USP6NL: variants seen among roughly 807,000 people sequenced by gnomAD.
The protein encoded by USP6NL is USP6 N-terminal-like protein.
A neutral mutation model predicts 61.9 loss-of-function variants in USP6NL; 26 were observed. The ratio of observed to expected loss-of-function variants is 0.42; its 90% confidence interval spans 0.31 to 0.58. USP6NL has a LOEUF of 0.58. USP6NL is among the 20% of genes least tolerant of loss of function. The pLI is 0.16. For missense variants in USP6NL, 1,114 were observed against 1,034.3 expected, an observed-to-expected ratio of 1.08 and a Z score of -1.06; for synonymous variants, 432 against 390.1, an observed-to-expected ratio of 1.11 and a Z score of -1.27.
rs946976175 is a variant in USP6NL, at chr10:11,483,385, C to T, written c.926-1463G>A. ...ATGAGAGCTACAAAGAAGTATGTTT[C>T]TACTTCCTCATTCTTGAGGGAACAT... On this transcript the variant is annotated intron_variant, in intron 13 of 14. Coordinates refer to ENST00000609104, the MANE Select transcript of USP6NL (RefSeq NM_014688.5). 8.1e-5 allele frequency among the ~76,000 whole-genome samples: 12 copies of T among 148,736 alleles called. No individual in the cohort carries two copies. In the East Asian group the frequency reaches 2.4e-3, roughly 29 times the overall value.
At chr10:11,498,404 T>C (rs1469527638) in intron 7 of USP6NL, among the ~76,000 whole-genome samples, 2 of 151,230 alleles carry the variant, frequency 1.3e-5, no homozygotes, top group East Asian at 3.9e-4. Flanking sequence ...AAAAATGAGA[T>C]AACAGAAGAG....
rs1219181343 is a variant in USP6NL at position 11,585,373 on chromosome 10, G to A, written c.4+12258C>T. 6.6e-6 allele frequency among the ~76,000 whole-genome samples: 1 copy of A among 152,136 alleles called. No individual in the cohort carries two copies. Among genetic ancestry groups the A allele is most frequent in the African/African-American group, 2.4e-5 (1 of 41,412 alleles). On this transcript the variant is annotated intron_variant, in intron 2 of 14. Transcript: ENST00000609104. The surrounding 1 kb of genome is among the most constrained non-coding windows in gnomAD (Gnocchi z 4.5). Reference sequence around the variant, plus strand: ...ACAGACCCAGAAGAATTGAAAGCAGGGTTCCAAAGATGTATTTGTACACCC... The same window carrying A: ...ACAGACCCAGAAGAATTGAAAGCAGAGTTCCAAAGATGTATTTGTACACCC...
chr10:11,590,492 T>C (rs1473677731), intron 2 of USP6NL, among the ~76,000 whole-genome samples: 2 of 152,218 alleles, frequency 1.3e-5, no homozygotes, highest in African/African-American at 2.4e-5. Context: ...ATTCAGACCA[T>C]GTAACAAATC....
In USP6NL at chr10:11,474,952, C is replaced by T. The variant is rs747814969; in HGVS notation, c.1078+6818G>A. Among the ~76,000 whole-genome samples the T allele has an allele frequency of 6.6e-5, 10 of 152,202 alleles. No individual in the cohort carries two copies. The highest frequency in any genetic ancestry group is 1.3e-4 in the Non-Finnish European group (9 of 68,014). On this transcript the variant is annotated intron_variant, in intron 14 of 14. Coordinates refer to ENST00000609104, the MANE Select transcript of USP6NL (RefSeq NM_014688.5). The surrounding 1 kb of genome is among the most constrained non-coding windows in gnomAD (Gnocchi z 4.9). ...TTCTCCCGTAAGCACTGAAGTACCC[C>T]GAAGGCTATGGCCATTTACCAAGAC...
chr10:11,498,249 A>C (rs1351285786), intron 7 of USP6NL, among the ~76,000 whole-genome samples: 1 of 148,086 alleles, frequency 6.8e-6, no homozygotes, highest in Non-Finnish European at 1.5e-5. Context: ...AAAAAAAAAA[A>C]AAAAAAAAAA....
rs1833717225 is a variant in USP6NL, at chr10:11,491,775, A to G, written c.495-895T>C. Among the ~76,000 whole-genome samples, 1 of 152,178 alleles carries G rather than the reference A, an allele frequency of 6.6e-6. No individual in the cohort carries two copies. Among genetic ancestry groups the G allele is most frequent in the Admixed American group, 6.5e-5 (1 of 15,292 alleles). On this transcript the variant is annotated intron_variant, in intron 8 of 14. Coordinates refer to ENST00000609104, the MANE Select transcript of USP6NL (RefSeq NM_014688.5). This position sits in a 1 kb window ranked among gnomAD's most constrained non-coding sequence, Gnocchi z 4.7. ...ATTCAGGCAGAACTGCTAGGTTCAG[A>G]TTTTCAGGAAGAAAGGTTTGAGTTA...
intron 7 of USP6NL, among the ~76,000 whole-genome samples, chr10:11,494,506 C>A (rs1833831571): frequency 6.6e-6 from 1 of 152,272 alleles, no homozygotes; most frequent in East Asian, 1.9e-4. Flanking sequence ...AATAAAGACA[C>A]AAGACAAAGA....
intron 2 of USP6NL, among the ~76,000 whole-genome samples, chr10:11,538,308 T>C (rs919395402): frequency 6.6e-6 from 1 of 152,204 alleles, no homozygotes; most frequent in Non-Finnish European, 1.5e-5. Flanking sequence ...ACCTTACCAC[T>C]GCCCATTGCT....
chr10:11,541,094 TA>T (rs1836030117), intron 2 of USP6NL, among the ~76,000 whole-genome samples: 1 of 151,792 alleles, frequency 6.6e-6, no homozygotes, highest in Admixed American at 6.6e-5. Flanking sequence ...TGAACTGCGT[TA>T]TATGTATCTC....
chr10:11,594,280 A>C (rs1210532397), intron 2 of USP6NL, among the ~76,000 whole-genome samples: 1 of 152,194 alleles, frequency 6.6e-6, no homozygotes, highest in Non-Finnish European at 1.5e-5. Context: ...GGACAAGAAA[A>C]AGAAATGTAA....
intron 2 of USP6NL, among the ~76,000 whole-genome samples, chr10:11,580,628 T>C (rs1837723582): frequency 6.6e-6 from 1 of 152,094 alleles, no homozygotes; most frequent in Non-Finnish European, 1.5e-5. Context: ...GCTGAACCCA[T>C]CCACAGGGAC....
intron 10 of USP6NL, 139 bp from the exon 11 acceptor site, chr10:11,486,050 A>T (rs1475758214): frequency 5.2e-6 from 3 of 580,738 alleles, no homozygotes; most frequent in Non-Finnish European, 8.3e-6. Context: ...TTTTCTCCCC[A>T]CCTAGGAAAA....
intron 2 of USP6NL, among the ~76,000 whole-genome samples, chr10:11,542,079 A>C (rs561776042): frequency 2.0e-5 from 3 of 152,308 alleles, no homozygotes; most frequent in Admixed American, 6.5e-5. Flanking sequence ...TGGAATACCG[A>C]CTGGCCAATC....
intron 14 of USP6NL, among the ~76,000 whole-genome samples, chr10:11,479,357 C>T (rs1833095824): frequency 6.6e-6 from 1 of 151,998 alleles, no homozygotes; most frequent in Non-Finnish European, 1.5e-5. Flanking sequence ...AAGAAGGGTG[C>T]CCCAAAGATA....
In USP6NL at chr10:11,462,621, G is replaced by T. The variant is rs773136978; in HGVS notation, c.2307C>A (p.Leu769=). 9.9e-6 allele frequency: 16 copies of T among 1,614,014 alleles called. No individual in the cohort carries two copies. In the South Asian group the frequency reaches 1.4e-4, roughly 14 times the overall value. The part of the protein sequence containing the change: ...GNLPKYSAFQ[L]APFQDHGLPA... ...GGAGGCCATGGTCCTGAAAGGGTGCGAGTTGAAAGGCTGAGTATTTTGGTA... is the reference window on the plus strand; with the variant it reads ...GGAGGCCATGGTCCTGAAAGGGTGCTAGTTGAAAGGCTGAGTATTTTGGTA... Residue 769 remains leucine (L), a synonymous_variant, in exon 15 of 15, where the codon CTC becomes CTA. Transcript: ENST00000609104.
intron 2 of USP6NL, among the ~76,000 whole-genome samples, chr10:11,535,291 C>T (rs1423642831): frequency 6.6e-6 from 1 of 152,130 alleles, no homozygotes; most frequent in African/African-American, 2.4e-5. Context: ...AGTGGGTCTA[C>T]CTCAACCTTT....
At chr10:11,535,467 A>G (rs548318700) in intron 2 of USP6NL, among the ~76,000 whole-genome samples, 1 of 152,354 alleles carries the variant, frequency 6.6e-6, no homozygotes, top group South Asian at 2.1e-4. Flanking sequence ...ACCAAAGGCA[A>G]GCTGAAAAAA....
chr10:11,602,666 A>G lies in USP6NL; in HGVS notation c.-83-4949T>C, dbSNP rs1237032312. On this transcript the variant is annotated intron_variant, in intron 1 of 14. Coordinates refer to ENST00000609104, the MANE Select transcript of USP6NL (RefSeq NM_014688.5). This position sits in a 1 kb window ranked among gnomAD's most constrained non-coding sequence, Gnocchi z 4.8. ...TGCCAAATCTAAACTTTCTGAAATC[A>G]GACACGTTTTGAGCACTGACGTGAC... is the stretch of plus-strand genomic sequence containing the variant. Among the ~76,000 whole-genome samples, 1 of 152,244 alleles carries G rather than the reference A, an allele frequency of 6.6e-6. No individual in the cohort carries two copies. Among genetic ancestry groups the G allele is most frequent in the African/African-American group, 2.4e-5 (1 of 41,466 alleles).
chr10:11,566,082 G>A (rs995529825), intron 2 of USP6NL, among the ~76,000 whole-genome samples: 1 of 152,134 alleles, frequency 6.6e-6, no homozygotes, highest in Non-Finnish European at 1.5e-5. Context: ...TAAAACACAG[G>A]GCTAGAGCTG....
Sources: gnomAD v4.1 joint callset for allele counts (sites outside exome capture counted in the v4.1 genomes callset) on GRCh38, gnomAD v4.1.1 for gene constraint, Gnocchi (gnomAD v3.1) non-coding constraint, MANE v1.5 for transcripts, NCBI Gene and HGNC (gene_info 2026-07-23, HGNC 2026-07-21) for gene names.